VDR: variants seen among roughly 807,000 people sequenced by gnomAD.
The protein encoded by VDR is vitamin D receptor.
In VDR, 19 loss-of-function variants were observed where a neutral mutation model predicts 39.7. The observed-to-expected ratio is 0.48, with a 90% CI of 0.33 to 0.70. VDR has a LOEUF of 0.70. Ranked by LOEUF, VDR falls within the 30% of genes least tolerant of loss-of-function variation. VDR has a pLI of 0.02. For missense variants in VDR, 442 were observed against 570.5 expected (o/e 0.77, Z 2.29); for synonymous variants, 242 against 215.8 (o/e 1.12, Z -1.07).
intron 1 of VDR, among the ~76,000 whole-genome samples, chr12:47,892,079 T>G (rs1946381546): frequency 6.6e-6 from 1 of 152,230 alleles, no homozygotes; most frequent in Admixed American, 6.5e-5. Context: ...GGGCCTGGAC[T>G]TCTGGCTGCC....
chr12:47,862,191 C>A lies in VDR; in HGVS notation c.277+2856G>T, dbSNP rs541441156. 3.9e-5 allele frequency among the ~76,000 whole-genome samples: 6 copies of A among 152,346 alleles called. No homozygotes were observed. The East Asian group carries it at 1.2e-3, about 29-fold the overall frequency. On this transcript the variant is annotated intron_variant, in intron 4 of 9. Transcript: ENST00000549336. ...AAGCAAGAACTCAGTTATAAAATTT[C>A]TTGGGTTCCCAGGGTATAAAGTCAA...
Position 47,842,867 on chromosome 12 carries a change from C to T in VDR, c.*1879G>A, listed in dbSNP as rs895769449. Reference sequence around the variant, plus strand: ...ATGAGGGGATTGACTCGTTTAGCAACTTACAAGTGTTTTCTCCCACTGAAG... The same window carrying T: ...ATGAGGGGATTGACTCGTTTAGCAATTTACAAGTGTTTTCTCCCACTGAAG... On this transcript the variant is annotated 3_prime_UTR_variant, in exon 10 of 10. Transcript: ENST00000549336. 6.6e-6 allele frequency: 1 copy of T among 152,174 alleles called. No individual in the cohort carries two copies. The highest frequency in any genetic ancestry group is 2.4e-5 in the African/African-American group (1 of 41,428). The allele number at this position is 152,174 out of a possible 1,614,324, so 9.4% of individuals were successfully genotyped here. A position where few individuals can be genotyped will look rare whatever the true frequency, so the allele number is the denominator to read the frequency against.
chr12:47,882,863 C>T (rs1946183991), intron 1 of VDR, 89 bp from the exon 2 acceptor site: 1 of 1,061,820 alleles, frequency 9.4e-7, no homozygotes, highest in Non-Finnish European at 1.4e-6. Flanking sequence ...GAGGCTCTTT[C>T]CAGGGACTTT....
At chr12:47,865,676 G>A (rs1463445387) in intron 3 of VDR, among the ~76,000 whole-genome samples, 1 of 149,908 alleles carries the variant, frequency 6.7e-6, no homozygotes, top group Non-Finnish European at 1.5e-5. Flanking sequence ...GCCTCCCACA[G>A]TGCTGGGATT....
At chr12:47,891,865 G>A (rs4328262) in intron 1 of VDR, among the ~76,000 whole-genome samples, 15 of 151,896 alleles carry the variant, frequency 9.9e-5, no homozygotes, top group South Asian at 2.1e-4. Flanking sequence ...CCGATGCCCC[G>A]CTGTCTGTTA....
At chr12:47,868,020 C>A (rs188597178) in intron 3 of VDR, among the ~76,000 whole-genome samples, 1 of 152,178 alleles carries the variant, frequency 6.6e-6, no homozygotes, top group Non-Finnish European at 1.5e-5. Flanking sequence ...CCCAAGAGAC[C>A]GTCAGTGTAA....
Position 47,844,945 on chromosome 12 carries a change from G to A in VDR, c.1085C>T (p.Thr362Ile), listed in dbSNP as rs11574115. The A allele has an allele frequency of 2.7e-4, 437 of 1,614,050 alleles. 2 individuals carry two copies. In the African/African-American group the frequency reaches 5.3e-3, roughly 20 times the overall value. ...GCGGCAGCGGATGTACGTCTGCAGTGTGTTGGACAGGCGGTCCTGGATGGC... is the reference window on the plus strand; with the variant it reads ...GCGGCAGCGGATGTACGTCTGCAGTATGTTGGACAGGCGGTCCTGGATGGC... ...IEAIQDRLSNTLQTYIRCRHP... is the reference protein window; with the variant it reads ...IEAIQDRLSNILQTYIRCRHP... Residue 362 changes from threonine (T) to isoleucine (I), a missense_variant, in exon 10 of 10, where the codon ACA becomes ATA. Thr to Ile is a moderately conservative substitution (Grantham distance 89). Around this residue, in one of 5 missense-constraint regions of VDR, gnomAD observed 173 missense variants for 252.0 expected, o/e 0.69. Coordinates refer to ENST00000549336, the MANE Select transcript of VDR (RefSeq NM_000376.3).
chr12:47,879,345 G>C (rs185177551), intron 2 of VDR, among the ~76,000 whole-genome samples: 1 of 152,328 alleles, frequency 6.6e-6, no homozygotes, highest in Non-Finnish European at 1.5e-5. Flanking sequence ...CTTGGAATCA[G>C]CTGCCTGGTT....
intron 7 of VDR, among the ~76,000 whole-genome samples, chr12:47,852,406 G>A (rs915147795): frequency 9.2e-5 from 14 of 152,248 alleles, no homozygotes; most frequent in African/African-American, 3.4e-4. Context: ...GGAGGAGGGA[G>A]TTGGAACTTG....
chr12:47,877,617 T>C (rs1946033709), intron 3 of VDR, among the ~76,000 whole-genome samples: 1 of 152,090 alleles, frequency 6.6e-6, no homozygotes, highest in African/African-American at 2.4e-5. Context: ...GTGCGTTAGA[T>C]TCCCCTCTCA....
chr12:47,879,631 G>A (rs1166888191), intron 2 of VDR, among the ~76,000 whole-genome samples: 1 of 152,116 alleles, frequency 6.6e-6, no homozygotes, highest in Admixed American at 6.5e-5. Context: ...TCCTCTTGAG[G>A]GTGGGGGGAA....
rs1251061009 is a variant in VDR, at chr12:47,841,657, T to C, written c.*3089A>G. On this transcript the variant is annotated 3_prime_UTR_variant, in exon 10 of 10. Coordinates refer to ENST00000549336, the MANE Select transcript of VDR (RefSeq NM_000376.3). ...TACATTGGTTGACTTGACAAACTTC[T>C]GGCAAACTTTTTTTCTCTTTGGAAA... 1 of 152,406 alleles carries C rather than the reference T, an allele frequency of 6.6e-6. No homozygotes were observed. The highest frequency in any genetic ancestry group is 1.5e-5 in the Non-Finnish European group (1 of 68,048). 9.4% of individuals were successfully genotyped at this position (152,406 alleles called of 1,614,324 possible).
intron 7 of VDR, among the ~76,000 whole-genome samples, chr12:47,848,341 C>A (rs1945318991): frequency 1.3e-5 from 2 of 151,494 alleles, no homozygotes; most frequent in African/African-American, 4.8e-5. Context: ...ATCACCACGC[C>A]TTTCAGCATA....
At chr12:47,865,232 C>A in intron 3 of VDR, 55 bp from the exon 4 acceptor site, 1 of 1,599,650 alleles carries the variant, frequency 6.3e-7, no homozygotes, top group South Asian at 1.1e-5. Flanking sequence ...GCTCCTCACC[C>A]TGTCATCACG....
chr12:47,899,110 T>C (rs1367099177), intron 1 of VDR, among the ~76,000 whole-genome samples: 1 of 152,220 alleles, frequency 6.6e-6, no homozygotes. Flanking sequence ...CTAAGTAACC[T>C]TCACAAGCTC....
chr12:47,882,154 T>C lies in VDR; in HGVS notation c.-3+540A>G, dbSNP rs1045400327. On this transcript the variant is annotated intron_variant, in intron 2 of 9. Coordinates refer to ENST00000549336, the MANE Select transcript of VDR (RefSeq NM_000376.3). ...CCTGCAATGGGGTGGGGTGCTGCCT[T>C]GACATCAGGAAGTCTCTATGCTGGG... Among the ~76,000 whole-genome samples the C allele has an allele frequency of 3.3e-5, 5 of 152,256 alleles. 1 individual carries two copies. The East Asian group carries it at 9.6e-4, about 29-fold the overall frequency.
At chr12:47,857,779 G>T in intron 4 of VDR, 91 bp from the exon 5 acceptor site, 1 of 1,449,966 alleles carries the variant, frequency 6.9e-7, no homozygotes, top group Non-Finnish European at 9.4e-7. Context: ...TCCAAGATAG[G>T]AGGGGCTTTA....
chr12:47,859,853 CCTT>C (rs1565614977), intron 4 of VDR, among the ~76,000 whole-genome samples: 2 of 54,478 alleles, frequency 3.7e-5, no homozygotes, highest in African/African-American at 8.9e-5. Context: ...TTCCTTCCTT[CCTT>C]CCTTCCTTCT....
Position 47,863,676 on chromosome 12 carries a change from G to A in VDR, c.277+1371C>T, listed in dbSNP as rs980372889. Among the ~76,000 whole-genome samples the A allele has an allele frequency of 5.3e-5, 8 of 152,294 alleles. No individual in the cohort carries two copies. The South Asian group carries it at 8.3e-4, about 16-fold the overall frequency. On this transcript the variant is annotated intron_variant, in intron 4 of 9. Coordinates refer to ENST00000549336, the MANE Select transcript of VDR (RefSeq NM_000376.3). ...GCGTGGCAGGGACTAGGGTAGGAGC[G>A]ACCAGCGTGCCCAGGCCTGCACCCT...
Sources: allele counts gnomAD v4.1 joint callset (sites outside exome capture counted in the v4.1 genomes callset), GRCh38; gene constraint gnomAD v4.1.1; regional missense constraint gnomAD v4.1.1; transcripts MANE v1.5; gene names NCBI Gene and HGNC (gene_info 2026-07-23, HGNC 2026-07-21).